TAOK1: variants seen among roughly 807,000 people sequenced by gnomAD.
The protein encoded by TAOK1 is TAO kinase 1, also known as serine/threonine-protein kinase TAO1.
TAOK1 carries 21 observed loss-of-function variants against 138.3 expected under a neutral mutation model. The observed-to-expected ratio is 0.15, with a 90% CI of 0.11 to 0.22. The LOEUF is 0.22. TAOK1 is among the 10% of genes least tolerant of loss of function. TAOK1 has a pLI of 1.00. For missense variants in TAOK1, 651 were observed against 1,227.7 expected (o/e 0.53, Z 7.02); for synonymous variants, 361 against 398.4 (o/e 0.91, Z 1.12).
intron 1 of TAOK1, among the ~76,000 whole-genome samples, chr17:29,392,077 A>G (rs1211743189): frequency 6.6e-6 from 1 of 152,148 alleles, no homozygotes; most frequent in Non-Finnish European, 1.5e-5. Context: ...TTAGCTGGGC[A>G]TGGTGGCACG....
At chr17:29,425,021 G>A (rs1305579048) in intron 1 of TAOK1, among the ~76,000 whole-genome samples, 2 of 152,136 alleles carry the variant, frequency 1.3e-5, no homozygotes, top group Non-Finnish European at 2.9e-5. Context: ...CAGATAGTTA[G>A]AAGTAAAATT....
In TAOK1 at chr17:29,548,739, G is replaced by C. The variant is rs1276125166; in HGVS notation, c.*5717G>C. On this transcript the variant is annotated 3_prime_UTR_variant, in exon 20 of 20. Transcript: ENST00000261716. Reference sequence around the variant, plus strand: ...AATATGTAGCTAACAAATTGACCTAGTTTCTGTATTTTTTTGTTTTTGTAC... The same window carrying C: ...AATATGTAGCTAACAAATTGACCTACTTTCTGTATTTTTTTGTTTTTGTAC... 6.6e-6 allele frequency: 1 copy of C among 152,118 alleles called. No individual in the cohort carries two copies. Among genetic ancestry groups the C allele is most frequent in the African/African-American group, 2.4e-5 (1 of 41,440 alleles). 9.4% of individuals were successfully genotyped at this position (152,118 alleles called of 1,614,324 possible).
chr17:29,464,628 G>T (rs934719589), intron 2 of TAOK1, among the ~76,000 whole-genome samples: 1 of 152,088 alleles, frequency 6.6e-6, no homozygotes, highest in African/African-American at 2.4e-5. Context: ...AAATCAGGGG[G>T]CTCACAGGTA....
intron 13 of TAOK1, 94 bp downstream of exon 13, chr17:29,502,817 G>T: frequency 1.5e-6 from 2 of 1,377,442 alleles, no homozygotes; most frequent in South Asian, 1.6e-5. Context: ...TTTGTATTTG[G>T]GTTTTATTTT....
At chr17:29,510,391 T>G (rs73278622) in intron 14 of TAOK1, among the ~76,000 whole-genome samples, 7 of 151,898 alleles carry the variant, frequency 4.6e-5, no homozygotes, top group Non-Finnish European at 1.0e-4. Flanking sequence ...ATAATAATTT[T>G]AAAAAAAGAA....
chr17:29,453,669 C>T lies in TAOK1; in HGVS notation c.132+1989C>T, dbSNP rs189334038. Among the ~76,000 whole-genome samples, 7 of 151,218 alleles carry T rather than the reference C, an allele frequency of 4.6e-5. No homozygotes were observed. The East Asian group carries it at 5.9e-4, about 13-fold the overall frequency. ...TCAGCTCACTGCAACCTCCGCCTCC[C>T]GGGTTCAAGCAATTCTCCTGCCTCA... On this transcript the variant is annotated intron_variant, in intron 2 of 19. Transcript: ENST00000261716.
chr17:29,514,564 A>G (rs1317160829), intron 15 of TAOK1: 2 of 152,062 alleles, frequency 1.3e-5, no homozygotes, highest in Non-Finnish European at 2.9e-5. Flanking sequence ...GTGTTGCCAT[A>G]TTCTCCAAAC....
intron 3 of TAOK1, among the ~76,000 whole-genome samples, chr17:29,475,358 A>C (rs570104918): frequency 3.3e-5 from 5 of 152,276 alleles, no homozygotes; most frequent in African/African-American, 1.2e-4. Flanking sequence ...TGAGCAATGC[A>C]GTGAAACCCC....
At chr17:29,457,202 C>T (rs2030404183) in intron 2 of TAOK1, among the ~76,000 whole-genome samples, 1 of 142,154 alleles carries the variant, frequency 7.0e-6, no homozygotes, top group Non-Finnish European at 1.5e-5. Context: ...TGGGTTCAAG[C>T]ACCCCTCCCA....
intron 13 of TAOK1, among the ~76,000 whole-genome samples, chr17:29,507,413 A>T (rs2031648221): frequency 6.6e-6 from 1 of 151,932 alleles, no homozygotes; most frequent in South Asian, 2.1e-4. Flanking sequence ...TCTCAAATTA[A>T]TTTTTATATA....
intron 18 of TAOK1, among the ~76,000 whole-genome samples, chr17:29,532,150 G>A (rs1224023873): frequency 2.0e-5 from 3 of 152,122 alleles, no homozygotes; most frequent in South Asian, 2.1e-4. Context: ...GTGAGCCACC[G>A]CGCCCGGCAA....
chr17:29,448,180 C>T (rs138565156), intron 1 of TAOK1, among the ~76,000 whole-genome samples: 2 of 151,618 alleles, frequency 1.3e-5, no homozygotes, highest in African/African-American at 2.4e-5. Flanking sequence ...TCCCAGTACT[C>T]GTATAGTTTC....
intron 4 of TAOK1, among the ~76,000 whole-genome samples, chr17:29,477,070 C>T (rs2031660054): frequency 1.3e-5 from 2 of 152,232 alleles, no homozygotes; most frequent in South Asian, 2.1e-4. Context: ...TGGTCTCAAT[C>T]TCCTAACCTG....
chr17:29,509,117 A>G (rs779592751), intron 14 of TAOK1, among the ~76,000 whole-genome samples: 1 of 152,152 alleles, frequency 6.6e-6, no homozygotes, highest in Non-Finnish European at 1.5e-5. Context: ...AACAATGTAT[A>G]CATATTTAAA....
chr17:29,474,266 T>C (rs2030894600), intron 3 of TAOK1, among the ~76,000 whole-genome samples: 1 of 152,210 alleles, frequency 6.6e-6, no homozygotes, highest in African/African-American at 2.4e-5. Context: ...ATAAACTTGT[T>C]TTACCTTCTT....
intron 1 of TAOK1, among the ~76,000 whole-genome samples, chr17:29,418,930 CT>C (rs35692060): frequency 0.6 from 62,846 of 105,334 alleles, 15,095 homozygotes; most frequent in South Asian, 0.67. Flanking sequence ...GGGTGCTTTG[CT>C]TTTTTTTTTT....
chr17:29,392,169 T>C (rs1220600305), intron 1 of TAOK1, among the ~76,000 whole-genome samples: 1 of 152,044 alleles, frequency 6.6e-6, no homozygotes, highest in Non-Finnish European at 1.5e-5. Context: ...TGAGGCGAGA[T>C]GGTGCCACTG....
rs761483788 is a variant in TAOK1, at chr17:29,543,271, G to C, written c.*249G>C. Reference sequence around the variant, plus strand: ...TGGAGTTGATATTAAAAATAAATGTGTATGTGTGTACATATATATACACAC... The same window carrying C: ...TGGAGTTGATATTAAAAATAAATGTCTATGTGTGTACATATATATACACAC... On this transcript the variant is annotated 3_prime_UTR_variant, in exon 20 of 20. Transcript: ENST00000261716. 2 of 367,018 alleles carry C rather than the reference G, an allele frequency of 5.4e-6. No individual in the cohort carries two copies. Among genetic ancestry groups the C allele is most frequent in the Non-Finnish European group, 1.0e-5 (2 of 198,884 alleles). 22.7% of individuals were successfully genotyped at this position (367,018 alleles called of 1,614,324 possible). A position where few individuals can be genotyped will look rare whatever the true frequency, so the allele number is the denominator to read the frequency against.
intron 1 of TAOK1, among the ~76,000 whole-genome samples, chr17:29,446,978 G>C (rs1276421071): frequency 6.6e-6 from 1 of 150,830 alleles, no homozygotes; most frequent in Admixed American, 6.6e-5. Context: ...GACTAGGGAT[G>C]ATCCACCTGC....
Sources: gnomAD v4.1 joint callset for allele counts (sites outside exome capture counted in the v4.1 genomes callset) on GRCh38, gnomAD v4.1.1 for gene constraint, MANE v1.5 for transcripts, NCBI Gene and HGNC (gene_info 2026-07-23, HGNC 2026-07-21) for gene names.